Variants in KIF16B observed in about 807,000 individuals in gnomAD.
KIF16B encodes the protein kinesin-like protein KIF16B.
KIF16B carries 98 observed loss-of-function variants against 156.3 expected under a neutral mutation model. That is an observed-to-expected ratio of 0.63 (90% CI 0.53 to 0.74). KIF16B has a LOEUF of 0.74. Ranked by LOEUF, KIF16B falls within the 30% of genes least tolerant of loss-of-function variation. KIF16B has a pLI of 0.00. For missense variants in KIF16B, 1,421 were observed against 1,606.5 expected, an observed-to-expected ratio of 0.88 and a Z score of 1.97; for synonymous variants, 564 against 583.7, an observed-to-expected ratio of 0.97 and a Z score of 0.49.
Position 16,363,758 on chromosome 20 carries a change from C to T in KIF16B, c.3498+6828G>A, listed in dbSNP as rs931461124. The stretch of plus-strand genomic sequence containing the variant: ...CCCTGGTTGAGCAACAGATGACCTG[C>T]AGCGTACAGCACAGCCACTCCAATC... On this transcript the variant is annotated intron_variant, in intron 22 of 25. Coordinates refer to ENST00000354981, the MANE Select transcript of KIF16B (RefSeq NM_024704.5). Among the ~76,000 whole-genome samples, 11 of 152,320 alleles carry T rather than the reference C, an allele frequency of 7.2e-5. No homozygotes were observed. In the East Asian group the frequency reaches 1.2e-3, roughly 16 times the overall value.
intron 10 of KIF16B, among the ~76,000 whole-genome samples, chr20:16,501,903 G>A (rs979641468): frequency 2.0e-5 from 3 of 152,114 alleles, no homozygotes; most frequent in Admixed American, 6.5e-5. Context: ...AAGGATACTG[G>A]TACTGTACTG....
At chr20:16,299,530 A>G (rs2063441248) in intron 25 of KIF16B, among the ~76,000 whole-genome samples, 1 of 152,182 alleles carries the variant, frequency 6.6e-6, no homozygotes, top group Non-Finnish European at 1.5e-5. Flanking sequence ...TTAACATCTG[A>G]TATTAACACA....
At position 16,512,972 on chromosome 20, in the gene KIF16B, C is replaced by A. The variant is rs202204707; in HGVS notation, c.349-49G>T. On this transcript the variant is annotated intron_variant, in intron 4 of 25. Coordinates refer to ENST00000354981, the MANE Select transcript of KIF16B (RefSeq NM_024704.5). ...CAGCTGTCACTCAAAATAAAAGCAA[C>A]TGATGACTGAATTTGCAATTTGCTG... The A allele has an allele frequency of 1.7e-4, 235 of 1,373,670 alleles. 1 individual carries two copies. The African/African-American group carries it at 2.9e-3, about 17-fold the overall frequency. The allele number at this position is 1,373,670 out of a possible 1,614,324, so 85.1% of individuals were successfully genotyped here.
At chr20:16,380,236 C>A in intron 18 of KIF16B, 73 bp from the exon 19 acceptor site, 1 of 1,341,744 alleles carries the variant, frequency 7.5e-7, no homozygotes, top group Non-Finnish European at 9.7e-7. Flanking sequence ...CTGAAATGTT[C>A]TGAAAATGCA....
At chr20:16,464,464 C>A (rs767751841) in intron 12 of KIF16B, among the ~76,000 whole-genome samples, 18 of 152,046 alleles carry the variant, frequency 1.2e-4, no homozygotes, top group Non-Finnish European at 2.5e-4. Context: ...TTTTAGATTC[C>A]ACCAGATGCA....
At chr20:16,375,236 T>G (rs1435609828) in intron 19 of KIF16B, among the ~76,000 whole-genome samples, 2 of 152,246 alleles carry the variant, frequency 1.3e-5, no homozygotes, top group African/African-American at 4.8e-5. Context: ...GTCCACTCAC[T>G]GTGTGAGCTT....
At chr20:16,328,646 G>A (rs540084640) in intron 24 of KIF16B, among the ~76,000 whole-genome samples, 5 of 152,202 alleles carry the variant, frequency 3.3e-5, no homozygotes, top group South Asian at 2.1e-4. Flanking sequence ...GACTTAGTCC[G>A]TTCGGGCTGC....
intron 25 of KIF16B, among the ~76,000 whole-genome samples, chr20:16,274,472 G>A (rs2063031453): frequency 6.6e-6 from 1 of 152,156 alleles, no homozygotes; most frequent in South Asian, 2.1e-4. Context: ...ATATATTTTA[G>A]GCCAGGCAAA....
chr20:16,466,710 C>T (rs1354172736), intron 12 of KIF16B, among the ~76,000 whole-genome samples: 2 of 152,186 alleles, frequency 1.3e-5, no homozygotes, highest in Admixed American at 1.3e-4. Context: ...TTTATTAGCA[C>T]ATGAAAACAC....
At chr20:16,426,008 C>CA (rs2066341912) in intron 15 of KIF16B, among the ~76,000 whole-genome samples, 3 of 152,200 alleles carry the variant, frequency 2.0e-5, no homozygotes, top group African/African-American at 7.2e-5. Flanking sequence ...ATGCCACACA[C>CA]TTTTAAATCA....
At chr20:16,333,495 G>T (rs2063984884) in intron 24 of KIF16B, among the ~76,000 whole-genome samples, 1 of 152,216 alleles carries the variant, frequency 6.6e-6, no homozygotes, top group Non-Finnish European at 1.5e-5. Flanking sequence ...CAATACAGAT[G>T]AGTGAATTAA....
chr20:16,403,071 T>C (rs562067463), intron 17 of KIF16B, among the ~76,000 whole-genome samples: 7 of 152,284 alleles, frequency 4.6e-5, no homozygotes, highest in Non-Finnish European at 1.0e-4. Flanking sequence ...AGCCATTGAA[T>C]AGCCATATTA....
chr20:16,376,448 T>C (rs2123374919), intron 19 of KIF16B, among the ~76,000 whole-genome samples: 1 of 152,344 alleles, frequency 6.6e-6, no homozygotes, highest in South Asian at 2.1e-4. Context: ...TGTGGAATTT[T>C]ACGAGGGGCC....
In KIF16B at chr20:16,384,548, G is replaced by C. The variant is rs1307715173; in HGVS notation, c.1785-2801C>G. Among the ~76,000 whole-genome samples the C allele has an allele frequency of 2.0e-5, 3 of 152,180 alleles. No individual in the cohort carries two copies. In the East Asian group the frequency reaches 5.8e-4, roughly 29 times the overall value. ...CCTTGGATGTTATGTTAATGACTCT[G>C]AACTTGATCTTAAAGGAGGTGGCAG... is the stretch of plus-strand genomic sequence containing the variant. On this transcript the variant is annotated intron_variant, in intron 17 of 25. Transcript: ENST00000354981.
At chr20:16,317,304 TAC>T (rs2063711962) in intron 24 of KIF16B, among the ~76,000 whole-genome samples, 1 of 152,200 alleles carries the variant, frequency 6.6e-6, no homozygotes, top group Admixed American at 6.5e-5. Context: ...ACAAAGGAGA[TAC>T]AGTGTCCTAT....
intron 25 of KIF16B, among the ~76,000 whole-genome samples, chr20:16,305,028 T>C (rs1006708388): frequency 5.3e-5 from 8 of 152,304 alleles, no homozygotes; most frequent in Middle Eastern, 6.8e-3. Context: ...ATTTGGCAGA[T>C]AAGTCATTTG....
chr20:16,375,494 C>A (rs2064925574), intron 19 of KIF16B, among the ~76,000 whole-genome samples: 1 of 152,062 alleles, frequency 6.6e-6, no homozygotes, highest in African/African-American at 2.4e-5. Context: ...ATGGGACCCA[C>A]ACGAGGCTGT....
In KIF16B at chr20:16,505,873, A is replaced by T; in HGVS notation, c.869-20T>A. 1 of 1,611,046 alleles carries T rather than the reference A, an allele frequency of 6.2e-7. No individual in the cohort carries two copies. The highest frequency in any genetic ancestry group is 8.5e-7 in the Non-Finnish European group (1 of 1,179,134). ...AATCAGCTATGAAAAGGAAGAAACA[A>T]AGGGGAGAAAGGACAATTAGTAAAA... On this transcript the variant is annotated intron_variant, in intron 8 of 25. Coordinates refer to ENST00000354981, the MANE Select transcript of KIF16B (RefSeq NM_024704.5).
chr20:16,515,141 A>T (rs1042911489), intron 4 of KIF16B, among the ~76,000 whole-genome samples: 1 of 152,054 alleles, frequency 6.6e-6, no homozygotes, highest in African/African-American at 2.4e-5. Context: ...GTACCTTTCT[A>T]TCAAAGAGTT....
Sources: allele counts gnomAD v4.1 joint callset (sites outside exome capture counted in the v4.1 genomes callset), GRCh38; gene constraint gnomAD v4.1.1; transcripts MANE v1.5; gene names NCBI Gene and HGNC (gene_info 2026-07-23, HGNC 2026-07-21).